SP140: variants seen among roughly 807,000 people sequenced by gnomAD.
The protein encoded by SP140 is nuclear body protein SP140.
Under a neutral mutation model 125.0 loss-of-function variants are expected in SP140, and 81 were observed. The ratio of observed to expected loss-of-function variants is 0.65; its 90% CI spans 0.54 to 0.78. SP140 has a LOEUF of 0.78. SP140 is among the 30% of genes least tolerant of loss of function. SP140 has a pLI of 0.00. For missense variants in SP140, 858 were observed against 1,037.0 expected (o/e 0.83, Z 2.37); for synonymous variants, 312 against 354.0 (o/e 0.88, Z 1.33).
At chr2:230,246,872 G>A (rs2049527207) in intron 7 of SP140, among the ~76,000 whole-genome samples, 1 of 152,138 alleles carries the variant, frequency 6.6e-6, no homozygotes, top group Non-Finnish European at 1.5e-5. Flanking sequence ...AGGCACAAAA[G>A]TTGTACACAG....
chr2:230,303,968 T>A (rs2058533078), intron 22 of SP140, among the ~76,000 whole-genome samples: 2 of 152,174 alleles, frequency 1.3e-5, no homozygotes, highest in African/African-American at 4.8e-5. Context: ...AGTCAAACTG[T>A]TGCTGGTCGC....
upstream of SP140, chr2:230,221,734 C>G (rs1177625025): frequency 6.5e-7 from 1 of 1,535,960 alleles, no homozygotes; most frequent in South Asian, 1.2e-5. Context: ...CCTGGAAAGC[C>G]CCTTCATGGG....
At chr2:230,231,351 G>A (rs923377929) in intron 1 of SP140, among the ~76,000 whole-genome samples, 1 of 152,142 alleles carries the variant, frequency 6.6e-6, no homozygotes, top group African/African-American at 2.4e-5. Context: ...TGATAAGTCA[G>A]GTAATAGGAA....
chr2:230,252,174 C>A (rs1477822725), intron 10 of SP140, among the ~76,000 whole-genome samples: 1 of 150,820 alleles, frequency 6.6e-6, no homozygotes, highest in Non-Finnish European at 1.5e-5. Context: ...TAGGAGATAT[C>A]CAGAAAAATA....
At chr2:230,187,433 C>A in the SP140 span, among the ~76,000 whole-genome samples, 1 of 152,122 alleles carries the variant, frequency 6.6e-6, no homozygotes, top group Non-Finnish European at 1.5e-5. Flanking sequence ...TTCTCCCATT[C>A]TGTGGGTTGT....
chr2:230,209,977 G>T, intron 1 of SP140: 2 of 1,609,208 alleles, frequency 1.2e-6, no homozygotes, highest in Non-Finnish European at 1.7e-6. Flanking sequence ...GCTCTTCTGG[G>T]TCATTTGGTT....
At chr2:230,243,058 G>A (rs2048935925) in intron 4 of SP140, among the ~76,000 whole-genome samples, 1 of 152,144 alleles carries the variant, frequency 6.6e-6, no homozygotes, top group Non-Finnish European at 1.5e-5. Context: ...TCCACAATGA[G>A]CCACCTGCTT....
chr2:230,197,366 C>A, the SP140 span, among the ~76,000 whole-genome samples: 1 of 151,382 alleles, frequency 6.6e-6, no homozygotes, highest in Non-Finnish European at 1.5e-5. Flanking sequence ...TGTTCATATC[C>A]TTCGCCCACT....
At position 230,253,310 on chromosome 2, in the gene SP140, T is replaced by A; in HGVS notation, c.1058-6T>A. ...TGTGTCCAAGTCACCCTCTGTGGTC[T>A]GTCAGTTTCTTGTTTATCTGCAGAG... On this transcript the variant is annotated splice_region_variant and splice_polypyrimidine_tract_variant and intron_variant, in intron 10 of 26. Transcript: ENST00000392045. 6.3e-7 allele frequency: 1 copy of A among 1,597,108 alleles called. No individual in the cohort carries two copies. Among genetic ancestry groups the A allele is most frequent in the Non-Finnish European group, 8.6e-7 (1 of 1,164,760 alleles).
At chr2:230,286,177 C>T (rs938291333) in intron 17 of SP140, among the ~76,000 whole-genome samples, 1 of 152,170 alleles carries the variant, frequency 6.6e-6, no homozygotes, top group Non-Finnish European at 1.5e-5. Context: ...TCAAGTCCTC[C>T]TCCTAGATGA....
intron 1 of SP140, among the ~76,000 whole-genome samples, chr2:230,227,120 A>G (rs769737663): frequency 1.6e-4 from 24 of 152,202 alleles, no homozygotes; most frequent in Admixed American, 2.6e-4. Flanking sequence ...ATGACTGTAC[A>G]TTCTTGATAA....
intron 26 of SP140, 150 bp downstream of exon 26, chr2:230,311,745 A>C (rs2059348216): frequency 9.1e-7 from 1 of 1,094,714 alleles, no homozygotes; most frequent in African/African-American, 1.6e-5. Flanking sequence ...TCAGAACTTA[A>C]GCTCTTCTTA....
At chr2:230,204,652 A>T (rs1201525754) in intron 1 of SP140, among the ~76,000 whole-genome samples, 1 of 151,980 alleles carries the variant, frequency 6.6e-6, no homozygotes, top group East Asian at 1.9e-4. Context: ...GTGCCAGGAC[A>T]TTACCATCTA....
intron 12 of SP140, among the ~76,000 whole-genome samples, chr2:230,259,771 CATAT>C (rs745848625): frequency 1.0e-4 from 9 of 85,876 alleles, no homozygotes; most frequent in African/African-American, 2.5e-4. Flanking sequence ...AGTATTCCAT[CATAT>C]ATATATATAT....
intron 10 of SP140, among the ~76,000 whole-genome samples, chr2:230,251,509 T>C (rs2050364041): frequency 6.6e-6 from 1 of 152,186 alleles, no homozygotes; most frequent in African/African-American, 2.4e-5. Flanking sequence ...GAAAAAATGC[T>C]CTTTGCCTTT....
At chr2:230,265,640 A>G (rs996198566) in intron 12 of SP140, among the ~76,000 whole-genome samples, 5 of 152,022 alleles carry the variant, frequency 3.3e-5, no homozygotes, top group Non-Finnish European at 4.4e-5. Context: ...CTACACCTGT[A>G]TTTCCCTCAT....
chr2:230,212,688 G>C (rs2044627122), intron 1 of SP140: 1 of 1,565,550 alleles, frequency 6.4e-7, no homozygotes. Flanking sequence ...TCAAGATGCT[G>C]GGATTGGCGG....
At chr2:230,309,271 C>T (rs938474715) in intron 22 of SP140, among the ~76,000 whole-genome samples, 1 of 152,186 alleles carries the variant, frequency 6.6e-6, no homozygotes, top group Admixed American at 6.5e-5. Flanking sequence ...ATGGCACCTT[C>T]GCACCTTACA....
intron 1 of SP140, among the ~76,000 whole-genome samples, chr2:230,229,484 T>C (rs1226543701): frequency 1.5e-5 from 2 of 137,586 alleles, no homozygotes; most frequent in African/African-American, 2.9e-5. Flanking sequence ...TTTTTTTTTT[T>C]TGAGATGGAG....
Sources: allele counts gnomAD v4.1 joint callset (sites outside exome capture counted in the v4.1 genomes callset), GRCh38; gene constraint gnomAD v4.1.1; transcripts MANE v1.5; gene names NCBI Gene and HGNC (gene_info 2026-07-23, HGNC 2026-07-21).